Variants in BTBD7 observed in about 807,000 individuals in gnomAD.
BTBD7 encodes the protein BTB domain containing 7.
A neutral mutation model predicts 99.9 loss-of-function variants in BTBD7; 38 were observed. The ratio of observed to expected loss-of-function variants is 0.38; its 90% CI spans 0.29 to 0.50. BTBD7 has a LOEUF of 0.50. BTBD7 is among the 20% of genes least tolerant of loss of function. The probability of loss-of-function intolerance (pLI) is 0.93; values close to 1 mark genes in which losing one functional copy is unlikely to be tolerated. For missense variants in BTBD7, 1,170 were observed against 1,394.6 expected (o/e 0.84, Z 2.57); for synonymous variants, 520 against 511.4 (o/e 1.02, Z -0.23).
chr14:93,265,441 T>G (rs552863967), intron 3 of BTBD7, among the ~76,000 whole-genome samples: 1 of 152,378 alleles, frequency 6.6e-6, no homozygotes, highest in Admixed American at 6.5e-5. Flanking sequence ...AATGTATTCC[T>G]AGCACCTTCT....
chr14:93,319,123 T>C (rs933729766), intron 1 of BTBD7, among the ~76,000 whole-genome samples: 1 of 152,210 alleles, frequency 6.6e-6, no homozygotes, highest in Non-Finnish European at 1.5e-5. Context: ...GAGGGATCAC[T>C]TGAGTCCAGG....
intron 5 of BTBD7, among the ~76,000 whole-genome samples, chr14:93,260,941 A>G (rs1413916532): frequency 1.3e-5 from 2 of 151,560 alleles, no homozygotes; most frequent in Non-Finnish European, 2.9e-5. Flanking sequence ...ACCCATGTGG[A>G]GTGCAATAGT....
chr14:93,287,807 T>G (rs2052798136), intron 3 of BTBD7: 1 of 152,348 alleles, frequency 6.6e-6, no homozygotes, highest in Non-Finnish European at 1.5e-5. Flanking sequence ...GGAGCCCATT[T>G]TCTAGATCCT....
At chr14:93,287,423 T>C (rs980243595) in intron 3 of BTBD7, among the ~76,000 whole-genome samples, 4 of 149,512 alleles carry the variant, frequency 2.7e-5, no homozygotes, top group African/African-American at 9.8e-5. Flanking sequence ...TACCTCTCTA[T>C]ATTACTATTT....
At chr14:93,268,480 C>T (rs2052565846) in intron 3 of BTBD7, among the ~76,000 whole-genome samples, 1 of 152,180 alleles carries the variant, frequency 6.6e-6, no homozygotes, top group Non-Finnish European at 1.5e-5. Flanking sequence ...ATAATAGTAG[C>T]TAACATTCTT....
At position 93,293,765 on chromosome 14, in the gene BTBD7, A is replaced by T. The variant is rs554760870; in HGVS notation, c.1162+93T>A. 5.6e-5 allele frequency: 82 copies of T among 1,471,618 alleles called. No homozygotes were observed. In the South Asian group the frequency reaches 9.5e-4, roughly 17 times the overall value. The allele number at this position is 1,471,618 out of a possible 1,614,324, so 91.2% of individuals were successfully genotyped here. ...AAAAACTGACCCTGTAACATCCCAAACACTGAAATCATAGAATATACTGGT... is the reference window on the plus strand; with the variant it reads ...AAAAACTGACCCTGTAACATCCCAATCACTGAAATCATAGAATATACTGGT... On this transcript the variant is annotated intron_variant, in intron 3 of 10. Coordinates refer to ENST00000334746, the MANE Select transcript of BTBD7 (RefSeq NM_001002860.4).
chr14:93,260,786 C>T (rs948033010), intron 5 of BTBD7, among the ~76,000 whole-genome samples: 3 of 152,234 alleles, frequency 2.0e-5, no homozygotes, highest in Admixed American at 6.5e-5. Context: ...CTTCCAACCT[C>T]AGGTGATCCG....
rs1310150183 is a variant in BTBD7, at chr14:93,294,163, G to C, written c.857C>G (p.Pro286Arg). 6.2e-7 allele frequency: 1 copy of C among 1,614,128 alleles called. No homozygotes were observed. The highest frequency in any genetic ancestry group is 1.1e-5 in the South Asian group (1 of 91,082). The change falls in exon 3 of 11, where the codon CCA becomes CGA. Residue 286 changes from proline to arginine, a missense_variant. This residue lies in a region of BTBD7 where 359 missense variants were observed against 497.9 expected (regional missense o/e 0.72). Coordinates refer to ENST00000334746, the MANE Select transcript of BTBD7 (RefSeq NM_001002860.4). ...AHKAVISARS[P>R]FFRNLLQRRI... ...CCTTTGTAATAAATTTCGAAAAAAT[G>C]GGGACCGTGCAGAAATAACAGCCTT...
chr14:93,288,553 G>A (rs765609953), intron 3 of BTBD7: 1 of 800,330 alleles, frequency 1.2e-6, no homozygotes, highest in Admixed American at 1.7e-5. Context: ...CTTCCTCCAG[G>A]ACTTTGTTCT....
At chr14:93,266,066 T>G (rs1175663767) in intron 3 of BTBD7, among the ~76,000 whole-genome samples, 1 of 152,072 alleles carries the variant, frequency 6.6e-6, no homozygotes, top group Non-Finnish European at 1.5e-5. Flanking sequence ...CTGATCAAAA[T>G]GAAGCTGAAA....
chr14:93,240,170 T>C lies in BTBD7; in HGVS notation c.*2103A>G, dbSNP rs1268510262. 6.6e-6 allele frequency: 1 copy of C among 152,558 alleles called. No homozygotes were observed. Among genetic ancestry groups the C allele is most frequent in the Non-Finnish European group, 1.5e-5 (1 of 68,042 alleles). 9.5% of individuals were successfully genotyped at this position (152,558 alleles called of 1,614,324 possible). A position where few individuals can be genotyped will look rare whatever the true frequency, so the allele number is the denominator to read the frequency against. ...GATGCACAGCCGACCTGCAGATTAG[T>C]GTTAACTCTGGGAGCTCGGGAGCGT... is the stretch of plus-strand genomic sequence containing the variant. On this transcript the variant is annotated 3_prime_UTR_variant, in exon 11 of 11. Transcript: ENST00000334746.
At chr14:93,316,858 T>C (rs1313560743) in intron 1 of BTBD7, among the ~76,000 whole-genome samples, 1 of 152,162 alleles carries the variant, frequency 6.6e-6, no homozygotes, top group Non-Finnish European at 1.5e-5. Flanking sequence ...AATTTGATCC[T>C]TAGTACTAGA....
chr14:93,284,970 C>CAT (rs898898553), intron 3 of BTBD7, among the ~76,000 whole-genome samples: 5 of 151,868 alleles, frequency 3.3e-5, no homozygotes, highest in East Asian at 1.9e-4. Flanking sequence ...TATATATAAA[C>CAT]ATATATATAA....
In BTBD7 at chr14:93,242,708, T is replaced by G; in HGVS notation, c.2964A>C (p.Leu988Phe). Residue 988 changes from leucine (L) to phenylalanine (F), a missense_variant, in exon 11 of 11, where the codon TTA (leucine) becomes TTC (phenylalanine). By Grantham distance (22) the Leu-to-Phe change is conservative. Transcript: ENST00000334746. ...TCTGACCAGGTAGGTAGGCTGACTT[T>G]AAGCCACTTGGTGATGCCTTATTGT... Reference protein sequence around the residue: ...YSHNKASPSGLKSAYLPGQTS... With the variant: ...YSHNKASPSGFKSAYLPGQTS... 8 of 1,614,210 alleles carry G rather than the reference T, an allele frequency of 5.0e-6. No individual in the cohort carries two copies. Among genetic ancestry groups the G allele is most frequent in the Non-Finnish European group, 6.8e-6 (8 of 1,180,044 alleles).
Position 93,241,117 on chromosome 14 carries a change from G to A in BTBD7, c.*1156C>T, listed in dbSNP as rs2052221925. ...TCAGAACCAGAAATTCTGTCAGTGT[G>A]ACCTTTAAGTTACTTCTCTATTTCC... is the stretch of plus-strand genomic sequence containing the variant. On this transcript the variant is annotated 3_prime_UTR_variant, in exon 11 of 11. Transcript: ENST00000334746. 1 of 151,322 alleles carries A rather than the reference G, an allele frequency of 6.6e-6. No homozygotes were observed. Among genetic ancestry groups the A allele is most frequent in the Non-Finnish European group, 1.5e-5 (1 of 67,980 alleles). 9.4% of individuals were successfully genotyped at this position (151,322 alleles called of 1,614,324 possible).
intron 1 of BTBD7, among the ~76,000 whole-genome samples, chr14:93,324,043 C>T (rs565979222): frequency 6.6e-6 from 1 of 152,270 alleles, no homozygotes; most frequent in Non-Finnish European, 1.5e-5. Context: ...GTGTAAAGTT[C>T]TAAAAGAACA....
At position 93,294,045 on chromosome 14, in the gene BTBD7, T is replaced by G. The variant is rs745635199; in HGVS notation, c.975A>C (p.Ala325=). The change falls in exon 3 of 11, where the codon GCA becomes GCC. Residue 325 remains alanine (A), a synonymous_variant. Transcript: ENST00000334746. ...LDESIIPKKY[A]TVILHCMYTD... The stretch of plus-strand genomic sequence containing the variant: ...TATACATACAGTGTAATATCACTGT[T>G]GCATATTTTTTTGGTATAATGGACT... 3.2e-5 allele frequency: 52 copies of G among 1,613,902 alleles called. No homozygotes were observed. Among genetic ancestry groups the G allele is most frequent in the Non-Finnish European group, 4.3e-5 (51 of 1,179,928 alleles).
At chr14:93,307,325 A>T (rs2053082059) in intron 1 of BTBD7, among the ~76,000 whole-genome samples, 1 of 151,602 alleles carries the variant, frequency 6.6e-6, no homozygotes, top group Admixed American at 6.6e-5. Context: ...AATTAAAAAC[A>T]TTTTTTTTCT....
rs1400276720 is a variant in BTBD7, at chr14:93,240,617, TTTC to T, written c.*1653_*1655del. 1 of 152,626 alleles carries T rather than the reference TTTC, an allele frequency of 6.6e-6. No individual in the cohort carries two copies. Among genetic ancestry groups the T allele is most frequent in the Non-Finnish European group, 1.5e-5 (1 of 68,048 alleles). 9.5% of individuals were successfully genotyped at this position (152,626 alleles called of 1,614,324 possible). A position where few individuals can be genotyped will look rare whatever the true frequency, so the allele number is the denominator to read the frequency against. ...AGGAAGGAATGCTTAGAAAGCCTCT[TTTC>T]TTCTAAGTGCTACGGCTGTGTGTTT... On this transcript the variant is annotated 3_prime_UTR_variant, in exon 11 of 11. Coordinates refer to ENST00000334746, the MANE Select transcript of BTBD7 (RefSeq NM_001002860.4).
Sources: allele counts gnomAD v4.1 joint callset (sites outside exome capture counted in the v4.1 genomes callset), GRCh38; gene constraint gnomAD v4.1.1; regional missense constraint gnomAD v4.1.1; transcripts MANE v1.5; gene names NCBI Gene and HGNC (gene_info 2026-07-23, HGNC 2026-07-21).